HIBADH: variants seen among roughly 807,000 people sequenced by gnomAD.
HIBADH encodes 3-hydroxyisobutyrate dehydrogenase, mitochondrial.
HIBADH carries 25 observed loss-of-function variants against 36.1 expected under a neutral mutation model. The observed-to-expected ratio is 0.69, with a 90% CI of 0.50 to 0.97. The LOEUF (loss-of-function observed/expected upper bound fraction) is 0.97. Among genes scored for constraint, HIBADH ranks in the 50% least tolerant of loss-of-function variants. HIBADH has a pLI of 0.00. For synonymous variants in HIBADH, 160 were observed against 149.5 expected, an observed-to-expected ratio of 1.07 and a Z score of -0.51; for missense variants, 421 against 418.0, an observed-to-expected ratio of 1.01 and a Z score of -0.06.
chr7:27,588,581 T>G (rs947788972), intron 4 of HIBADH, among the ~76,000 whole-genome samples: 18 of 152,196 alleles, frequency 1.2e-4, no homozygotes, highest in African/African-American at 3.9e-4. Flanking sequence ...TCCTCCTGCC[T>G]CAGCCTCCCA....
intron 4 of HIBADH, among the ~76,000 whole-genome samples, chr7:27,569,605 G>A (rs570428831): frequency 5.3e-5 from 8 of 151,864 alleles, no homozygotes; most frequent in Admixed American, 2.6e-4. Flanking sequence ...AACATCATGC[G>A]GTCCCTTTAT....
At chr7:27,610,927 C>A (rs768682031) in intron 4 of HIBADH, among the ~76,000 whole-genome samples, 6 of 152,066 alleles carry the variant, frequency 3.9e-5, no homozygotes, top group Non-Finnish European at 8.8e-5. Flanking sequence ...AAGGGCCAAG[C>A]CTGCATGGTT....
At chr7:27,539,278 A>G (rs1330226676) in intron 5 of HIBADH, among the ~76,000 whole-genome samples, 2 of 152,178 alleles carry the variant, frequency 1.3e-5, no homozygotes. Context: ...CACTGAAAGA[A>G]AGGCTTGGAC....
chr7:27,536,471 A>T (rs1784071873), intron 6 of HIBADH, among the ~76,000 whole-genome samples: 1 of 152,144 alleles, frequency 6.6e-6, no homozygotes, highest in South Asian at 2.1e-4. Flanking sequence ...TCTAAATAAC[A>T]ATTTTGTCAT....
In HIBADH at chr7:27,525,543, T is replaced by C. The variant is rs1783876392; in HGVS notation, c.*671A>G. On this transcript the variant is annotated 3_prime_UTR_variant, in exon 8 of 8. Coordinates refer to ENST00000265395, the MANE Select transcript of HIBADH (RefSeq NM_152740.4). Reference sequence around the variant, plus strand: ...ATATCATCATTGGCTCTGAAATGCATCTAAAGATGTCATTCTTAAGTCAAA... The same window carrying C: ...ATATCATCATTGGCTCTGAAATGCACCTAAAGATGTCATTCTTAAGTCAAA... 1 of 152,192 alleles carries C rather than the reference T, an allele frequency of 6.6e-6. No homozygotes were observed. 9.4% of individuals were successfully genotyped at this position (152,192 alleles called of 1,614,324 possible).
intron 2 of HIBADH, among the ~76,000 whole-genome samples, chr7:27,641,968 AG>A (rs1785969170): frequency 2.0e-5 from 3 of 152,162 alleles, no homozygotes; most frequent in African/African-American, 7.2e-5. Flanking sequence ...TCTGTCTTCC[AG>A]GCTTCCTGCC....
intron 1 of HIBADH, among the ~76,000 whole-genome samples, chr7:27,661,966 C>A (rs1786431447): frequency 6.6e-6 from 1 of 152,166 alleles, no homozygotes; most frequent in African/African-American, 2.4e-5. Flanking sequence ...GATCTTCATC[C>A]TGGCTCTAAA....
At position 27,531,340 on chromosome 7, in the gene HIBADH, A is replaced by C; in HGVS notation, c.704T>G (p.Leu235Arg). Residue 235 changes from leucine (L) to arginine (R), a missense_variant, in exon 7 of 8, where the codon CTT becomes CGT. Transcript: ENST00000265395. ...GATTTTAGCCAGTAGTTTTGGGTCA[A>C]GCCCTAACCTGTCAAAGGTCAAAGA... Reference protein sequence around the residue: ...EAMNLGIRLGLDPKLLAKILN... With the variant: ...EAMNLGIRLGRDPKLLAKILN... 1.9e-6 allele frequency: 3 copies of C among 1,608,468 alleles called. No homozygotes were observed. The East Asian group carries it at 6.7e-5, about 36-fold the overall frequency.
chr7:27,642,714 G>A (rs1024775731), intron 2 of HIBADH, among the ~76,000 whole-genome samples: 2 of 146,154 alleles, frequency 1.4e-5, no homozygotes, highest in African/African-American at 2.5e-5. Context: ...TGCAGTGGCG[G>A]GATCTCGGCT....
intron 4 of HIBADH, among the ~76,000 whole-genome samples, chr7:27,556,508 T>C (rs1459776416): frequency 6.6e-6 from 1 of 152,224 alleles, no homozygotes; most frequent in Non-Finnish European, 1.5e-5. Context: ...TTCTAAGATT[T>C]TGAAAGAATT....
At chr7:27,576,105 A>G (rs1422866116) in intron 4 of HIBADH, among the ~76,000 whole-genome samples, 1 of 152,262 alleles carries the variant, frequency 6.6e-6, no homozygotes, top group Non-Finnish European at 1.5e-5. Context: ...GAAATAAGAC[A>G]GCAGAGAAAG....
chr7:27,648,494 G>C (rs887402284), intron 2 of HIBADH, among the ~76,000 whole-genome samples: 2 of 152,168 alleles, frequency 1.3e-5, no homozygotes, highest in Non-Finnish European at 2.9e-5. Context: ...GCATTTTTCA[G>C]TATTTACTTT....
chr7:27,589,020 T>C (rs1462443121), intron 4 of HIBADH, among the ~76,000 whole-genome samples: 1 of 152,198 alleles, frequency 6.6e-6, no homozygotes, highest in Non-Finnish European at 1.5e-5. Context: ...ATGTGAATAA[T>C]ATGTATGAAA....
At chr7:27,576,693 G>A (rs976488481) in intron 4 of HIBADH, among the ~76,000 whole-genome samples, 2 of 152,012 alleles carry the variant, frequency 1.3e-5, no homozygotes, top group Non-Finnish European at 2.9e-5. Flanking sequence ...CCTATACTTA[G>A]CTCCTTAAAG....
At chr7:27,568,625 T>C (rs1784582180) in intron 4 of HIBADH, among the ~76,000 whole-genome samples, 1 of 151,542 alleles carries the variant, frequency 6.6e-6, no homozygotes, top group South Asian at 2.1e-4. Flanking sequence ...GCCCAGCTAA[T>C]TTTTTTTTAA....
intron 5 of HIBADH, among the ~76,000 whole-genome samples, chr7:27,540,763 T>C (rs1784137506): frequency 1.3e-5 from 2 of 152,172 alleles, no homozygotes; most frequent in Non-Finnish European, 2.9e-5. Context: ...AGTTGGCCCC[T>C]TGGACACCTT....
At chr7:27,565,723 AG>A (rs961175236) in intron 4 of HIBADH, among the ~76,000 whole-genome samples, 2 of 152,180 alleles carry the variant, frequency 1.3e-5, no homozygotes, top group African/African-American at 4.8e-5. Flanking sequence ...GTCTGATCTC[AG>A]GGGGAAAGCA....
At chr7:27,534,173 T>A (rs1204641808) in intron 6 of HIBADH, among the ~76,000 whole-genome samples, 1 of 152,188 alleles carries the variant, frequency 6.6e-6, no homozygotes, top group Non-Finnish European at 1.5e-5. Flanking sequence ...CAAAAAAATT[T>A]AAAAAATTAA....
chr7:27,648,212 T>C (rs568012050), intron 2 of HIBADH, among the ~76,000 whole-genome samples: 7 of 152,342 alleles, frequency 4.6e-5, no homozygotes, highest in South Asian at 2.1e-4. Context: ...ACTATACGAC[T>C]GATCAAATCT....
Sources: gnomAD v4.1 joint callset for allele counts (sites outside exome capture counted in the v4.1 genomes callset) on GRCh38, gnomAD v4.1.1 for gene constraint, MANE v1.5 for transcripts, NCBI Gene and HGNC (gene_info 2026-07-23, HGNC 2026-07-21) for gene names.